Variants in FUT8 observed in about 807,000 individuals in gnomAD.
FUT8 encodes alpha-(1,6)-fucosyltransferase.
In FUT8, 29 loss-of-function variants were observed where a neutral mutation model predicts 71.3. The ratio of observed to expected loss-of-function variants is 0.41; its 90% CI spans 0.30 to 0.55. The LOEUF is 0.55. Among genes scored for constraint, FUT8 ranks in the 20% least tolerant of loss-of-function variants. The pLI is 0.34. For synonymous variants in FUT8, 254 were observed against 239.3 expected, an observed-to-expected ratio of 1.06 and a Z score of -0.57; for missense variants, 544 against 702.1, an observed-to-expected ratio of 0.77 and a Z score of 2.55.
chr14:65,401,530 G>A, the FUT8 span, among the ~76,000 whole-genome samples: 2 of 152,150 alleles, frequency 1.3e-5, no homozygotes, highest in Admixed American at 6.5e-5. Flanking sequence ...AGTTAAGATA[G>A]TATCTATGCC....
chr14:65,674,287 A>G (rs1892609513), intron 7 of FUT8, among the ~76,000 whole-genome samples: 1 of 152,170 alleles, frequency 6.6e-6, no homozygotes, highest in South Asian at 2.1e-4. Flanking sequence ...GAGGGAGAGG[A>G]AGGATATTAG....
intron 1 of FUT8, among the ~76,000 whole-genome samples, chr14:65,421,729 C>G (rs2065297547): frequency 1.4e-5 from 1 of 73,450 alleles, no homozygotes; most frequent in Admixed American, 1.6e-4. Flanking sequence ...ATCTTGAAAC[C>G]CTTTAACCCA....
chr14:65,653,942 T>C (rs1369097773), intron 6 of FUT8, among the ~76,000 whole-genome samples: 1 of 152,174 alleles, frequency 6.6e-6, no homozygotes, highest in Non-Finnish European at 1.5e-5. Flanking sequence ...GGAGACTTCA[T>C]TGCCAGCAGA....
At chr14:65,670,403 T>TAAA (rs1892419801) in intron 7 of FUT8, among the ~76,000 whole-genome samples, 2 of 152,312 alleles carry the variant, frequency 1.3e-5, no homozygotes, top group African/African-American at 4.8e-5. Context: ...ATGCACTTAG[T>TAAA]ACTGATATAT....
At chr14:65,534,194 C>G in intron 2 of FUT8, among the ~76,000 whole-genome samples, 1 of 152,106 alleles carries the variant, frequency 6.6e-6, no homozygotes, top group Admixed American at 6.6e-5. Flanking sequence ...GCAAACATGA[C>G]TCACTGCAGC....
At chr14:65,522,589 A>G (rs1366220413) in intron 2 of FUT8, among the ~76,000 whole-genome samples, 1 of 152,202 alleles carries the variant, frequency 6.6e-6, no homozygotes, top group African/African-American at 2.4e-5. Flanking sequence ...TTTAAAAATT[A>G]TACTTTAAGT....
chr14:65,384,813 C>A, the FUT8 span, among the ~76,000 whole-genome samples: 3 of 152,036 alleles, frequency 2.0e-5, no homozygotes, highest in African/African-American at 7.2e-5. This position sits in a 1 kb window ranked among gnomAD's most constrained non-coding sequence, Gnocchi z 4.2. Context: ...TTCTAATTTT[C>A]ATATGAGTTT....
intron 6 of FUT8, among the ~76,000 whole-genome samples, chr14:65,634,424 T>C (rs995438303): frequency 4.6e-5 from 7 of 152,138 alleles, no homozygotes; most frequent in African/African-American, 1.7e-4. Flanking sequence ...ACACAAACAC[T>C]GCGGAAGGCT....
At chr14:65,702,844 T>C (rs1031555621) in intron 7 of FUT8, among the ~76,000 whole-genome samples, 1 of 152,086 alleles carries the variant, frequency 6.6e-6, no homozygotes, top group Non-Finnish European at 1.5e-5. Context: ...GTTCAAGTGA[T>C]TCTCCTGCCT....
At chr14:65,373,917 C>A in the FUT8 span, among the ~76,000 whole-genome samples, 1 of 152,064 alleles carries the variant, frequency 6.6e-6, no homozygotes, top group Admixed American at 6.6e-5. Context: ...GAGTGGGGCA[C>A]GGACAGCTGC....
chr14:65,530,396 T>C (rs1883863677), intron 2 of FUT8, among the ~76,000 whole-genome samples: 1 of 152,184 alleles, frequency 6.6e-6, no homozygotes, highest in Non-Finnish European at 1.5e-5. Flanking sequence ...TGTCCAGTTT[T>C]CTAGTTGTTT....
intron 6 of FUT8, among the ~76,000 whole-genome samples, chr14:65,665,613 C>T (rs951727961): frequency 6.6e-6 from 1 of 152,120 alleles, no homozygotes; most frequent in African/African-American, 2.4e-5. Flanking sequence ...AATCATTCTA[C>T]CGTAAAGATA....
At chr14:65,512,134 C>T (rs949213281) in intron 2 of FUT8, among the ~76,000 whole-genome samples, 8 of 152,256 alleles carry the variant, frequency 5.3e-5, no homozygotes, top group Admixed American at 2.6e-4. Context: ...TGTACCTAAA[C>T]GTAGAAAAGG....
chr14:65,736,122 C>A (rs1324919045), intron 10 of FUT8, among the ~76,000 whole-genome samples: 1 of 151,946 alleles, frequency 6.6e-6, no homozygotes, highest in South Asian at 2.1e-4. Flanking sequence ...ATTGCTTAGC[C>A]TATTTCTTAA....
At chr14:65,444,520 A>G (rs1356904224) in intron 1 of FUT8, among the ~76,000 whole-genome samples, 1 of 152,202 alleles carries the variant, frequency 6.6e-6, no homozygotes, top group Admixed American at 6.5e-5. Flanking sequence ...AACTGGAAAC[A>G]ACCCAAATGG....
intron 3 of FUT8, among the ~76,000 whole-genome samples, chr14:65,591,156 AT>A (rs1887664542): frequency 6.6e-6 from 1 of 152,166 alleles, no homozygotes; most frequent in Non-Finnish European, 1.5e-5. Flanking sequence ...GTGTGAATAC[AT>A]TTAAGTTATT....
At chr14:65,479,864 A>C (rs2066302360) in intron 2 of FUT8, 2 of 152,252 alleles carry the variant, frequency 1.3e-5, no homozygotes, top group Middle Eastern at 6.8e-3. Flanking sequence ...AGGTTTTTTT[A>C]ATTCATATTT....
chr14:65,403,062 A>T, the FUT8 span, among the ~76,000 whole-genome samples: 2 of 152,134 alleles, frequency 1.3e-5, no homozygotes, highest in Non-Finnish European at 2.9e-5. Context: ...TTCTGTTTTC[A>T]TGTTATCTTG....
At chr14:65,741,371 G>A (rs1009244153) in intron 10 of FUT8, among the ~76,000 whole-genome samples, 12 of 151,976 alleles carry the variant, frequency 7.9e-5, no homozygotes, top group African/African-American at 2.9e-4. Context: ...TAGCTCACTT[G>A]CCAGTGCTTG....
Sources: allele counts gnomAD v4.1 joint callset (sites outside exome capture counted in the v4.1 genomes callset), GRCh38; gene constraint gnomAD v4.1.1; non-coding constraint Gnocchi (gnomAD v3.1); transcripts MANE v1.5; gene names NCBI Gene and HGNC (gene_info 2026-07-23, HGNC 2026-07-21).